The following CUEDC1 variants were observed in gnomAD, a reference collection of about 807,000 sequenced individuals.
CUEDC1 encodes CUE domain containing 1.
Under a neutral mutation model 43.7 loss-of-function variants are expected in CUEDC1, and 30 were observed. The observed-to-expected ratio is 0.69, with a 90% CI of 0.51 to 0.93. The LOEUF (loss-of-function observed/expected upper bound fraction) is 0.93, where lower values mean the gene tolerates loss of function less well. Ranked by LOEUF, CUEDC1 falls within the 40% of genes least tolerant of loss-of-function variation. CUEDC1 has a pLI of 0.00. For missense variants in CUEDC1, 486 were observed against 549.0 expected (o/e 0.89, Z 1.15); for synonymous variants, 223 against 223.6 (o/e 1.00, Z 0.02).
At chr17:57,918,611 G>A (rs1386596660) in intron 1 of CUEDC1, among the ~76,000 whole-genome samples, 1 of 152,176 alleles carries the variant, frequency 6.6e-6, no homozygotes, top group Non-Finnish European at 1.5e-5. Context: ...ATAAATATTT[G>A]AATTAAAAAG....
chr17:57,873,216 C>T (rs564834320), intron 4 of CUEDC1, among the ~76,000 whole-genome samples: 1 of 152,316 alleles, frequency 6.6e-6, no homozygotes, highest in Non-Finnish European at 1.5e-5. Context: ...GGACCTGCCC[C>T]GCTGTGGGGC....
chr17:57,953,499 A>G (rs538652985), intron 1 of CUEDC1, among the ~76,000 whole-genome samples: 2 of 152,356 alleles, frequency 1.3e-5, no homozygotes, highest in Non-Finnish European at 2.9e-5. Flanking sequence ...CCAGCCAAAA[A>G]GGTGACAACT....
chr17:57,868,885 C>T (rs1048476288), intron 7 of CUEDC1, among the ~76,000 whole-genome samples: 4 of 152,154 alleles, frequency 2.6e-5, no homozygotes, highest in Admixed American at 6.5e-5. Context: ...ATGTGTGGCA[C>T]GTTATTTTTC....
In CUEDC1 at chr17:57,872,652, G is replaced by A. The variant is rs757867791; in HGVS notation, c.784+11C>T. On this transcript the variant is annotated intron_variant, in intron 5 of 10. Transcript: ENST00000577830. ...TTCAGCCAGGGAGAAGTGGCTGCAG[G>A]CGCTGCCCACCTCTCTCCAGAGCGA... 6 of 1,613,060 alleles carry A rather than the reference G, an allele frequency of 3.7e-6. No individual in the cohort carries two copies. Among genetic ancestry groups the A allele is most frequent in the Non-Finnish European group, 5.1e-6 (6 of 1,179,860 alleles).
At chr17:57,879,370 C>T (rs912938923) in intron 3 of CUEDC1, among the ~76,000 whole-genome samples, 1 of 152,166 alleles carries the variant, frequency 6.6e-6, no homozygotes, top group African/African-American at 2.4e-5. Context: ...ACTCTGTGTC[C>T]CATATGGTAC....
intron 1 of CUEDC1, among the ~76,000 whole-genome samples, chr17:57,939,159 C>G: frequency 6.6e-6 from 1 of 151,476 alleles, no homozygotes; most frequent in African/African-American, 2.4e-5. Context: ...TAGAGACGGG[C>G]TTTCACCTTG....
chr17:57,908,024 C>T (rs138725811), intron 1 of CUEDC1, among the ~76,000 whole-genome samples: 7 of 152,092 alleles, frequency 4.6e-5, no homozygotes, highest in African/African-American at 7.2e-5. Context: ...GACTGGACCT[C>T]GTTCACACAC....
chr17:57,936,217 G>C (rs2074860347), intron 1 of CUEDC1, among the ~76,000 whole-genome samples: 1 of 152,160 alleles, frequency 6.6e-6, no homozygotes, highest in South Asian at 2.1e-4. Flanking sequence ...GACATGGCAG[G>C]ACAGTGTGGA....
chr17:57,871,333 C>G lies in CUEDC1; in HGVS notation c.821G>C (p.Ser274Thr), dbSNP rs747519123. The G allele has an allele frequency of 6.2e-7, 1 of 1,614,104 alleles. No individual in the cohort carries two copies. Among genetic ancestry groups the G allele is most frequent in the South Asian group, 1.1e-5 (1 of 91,078 alleles). ...LKYESQKSKS[S>T]SVAVGNDFGF... ...AAAGTCGTTTCCGACAGCCACGCTG[C>G]TGGATTTAGATTTCTGGGATTCGTA... Residue 274 changes from serine to threonine, a missense_variant, in exon 6 of 11, where the codon AGC becomes ACC. Coordinates refer to ENST00000577830, the MANE Select transcript of CUEDC1 (RefSeq NM_001271875.2).
At position 57,885,524 on chromosome 17, in the gene CUEDC1, C is replaced by G. The variant is rs762655625; in HGVS notation, c.41G>C (p.Gly14Ala). The change falls in exon 2 of 11, where the codon GGG (glycine) becomes GCG (alanine). Residue 14 changes from glycine (G) to alanine (A), a missense_variant. Transcript: ENST00000577830. ...LFRRSSSGSG[G>A]GGTAGARGGG... ...CCCGCGTGCCCCGGCGGTGCCACCC[C>G]CGCCGCTGCCGCTGCTGCTCCGGCG... is the stretch of plus-strand genomic sequence containing the variant. 41 of 1,390,634 alleles carry G rather than the reference C, an allele frequency of 2.9e-5. No homozygotes were observed. The highest frequency in any genetic ancestry group is 3.7e-5 in the Admixed American group (1 of 27,000). 86.1% of individuals were successfully genotyped at this position (1,390,634 alleles called of 1,614,324 possible). A position where few individuals can be genotyped will look rare whatever the true frequency, so the allele number is the denominator to read the frequency against.
chr17:57,894,229 G>A (rs2074386058), intron 1 of CUEDC1, among the ~76,000 whole-genome samples: 1 of 152,168 alleles, frequency 6.6e-6, no homozygotes, highest in Admixed American at 6.5e-5. Flanking sequence ...GCCGGCAGGG[G>A]TGAGGCTGGG....
At chr17:57,885,998 G>A (rs1159033994) in intron 1 of CUEDC1, 119 bp from the exon 2 acceptor site, 2 of 157,674 alleles carry the variant, frequency 1.3e-5, no homozygotes, top group African/African-American at 4.8e-5. Flanking sequence ...GGGCAAGGGA[G>A]GCTTGCTTCT....
intron 1 of CUEDC1, among the ~76,000 whole-genome samples, chr17:57,910,589 C>T (rs1048219001): frequency 6.7e-6 from 1 of 149,832 alleles, no homozygotes; most frequent in African/African-American, 2.5e-5. Flanking sequence ...TGGTGAGATC[C>T]TGTCTCTTAA....
At chr17:57,936,969 C>T (rs1398814042) in intron 1 of CUEDC1, among the ~76,000 whole-genome samples, 1 of 152,018 alleles carries the variant, frequency 6.6e-6, no homozygotes, top group Non-Finnish European at 1.5e-5. Flanking sequence ...TACAGGCATA[C>T]ACCACCACGT....
chr17:57,913,870 C>A (rs1023965332), intron 1 of CUEDC1, among the ~76,000 whole-genome samples: 2 of 152,154 alleles, frequency 1.3e-5, no homozygotes, highest in Admixed American at 6.5e-5. Flanking sequence ...GAAGCCTCAC[C>A]CTGGCCAACT....
At chr17:57,871,212 A>G in intron 6 of CUEDC1, 74 bp downstream of exon 6, 1 of 1,228,520 alleles carries the variant, frequency 8.1e-7, no homozygotes, top group Non-Finnish European at 1.2e-6. Context: ...CTCAAACTCC[A>G]AATATGCAAA....
intron 10 of CUEDC1, among the ~76,000 whole-genome samples, chr17:57,865,249 G>A (rs927441968): frequency 3.3e-5 from 5 of 152,210 alleles, no homozygotes; most frequent in Non-Finnish European, 7.3e-5. Flanking sequence ...GTGGGAAGTG[G>A]GCCGCGGCTT....
chr17:57,927,427 G>A (rs2074758950), intron 1 of CUEDC1, among the ~76,000 whole-genome samples: 1 of 150,962 alleles, frequency 6.6e-6, no homozygotes, highest in African/African-American at 2.4e-5. Flanking sequence ...GTTAGAGAGA[G>A]AAAAAAAAGT....
chr17:57,932,084 C>T lies in CUEDC1; in HGVS notation c.-316+23141G>A, dbSNP rs773875158. Among the ~76,000 whole-genome samples the T allele has an allele frequency of 7.4e-4, 111 of 149,750 alleles. 1 individual carries two copies. The highest frequency in any genetic ancestry group is 2.2e-4 in the Non-Finnish European group (15 of 67,836). On this transcript the variant is annotated intron_variant, in intron 1 of 10. Transcript: ENST00000577830. Reference sequence around the variant, plus strand: ...GTTAGGAGTTCGAAACCAGCCTGGCCAACACGGTGAAATCCCGTCTCCACT... The same window carrying T: ...GTTAGGAGTTCGAAACCAGCCTGGCTAACACGGTGAAATCCCGTCTCCACT...
Sources: gnomAD v4.1 joint callset for allele counts (sites outside exome capture counted in the v4.1 genomes callset) on GRCh38, gnomAD v4.1.1 for gene constraint, MANE v1.5 for transcripts, NCBI Gene and HGNC (gene_info 2026-07-23, HGNC 2026-07-21) for gene names.